Variants in HGD observed in about 807,000 individuals in gnomAD.
The protein encoded by HGD is homogentisate 1,2-dioxygenase, also known as homogentisate oxidase.
Under a neutral mutation model 60.8 loss-of-function variants are expected in HGD, and 61 were observed. That is an observed-to-expected ratio of 1.00 (90% CI 0.82 to 1.24). HGD has a LOEUF of 1.24. HGD is among the 50% of genes most tolerant of loss of function. The probability of loss-of-function intolerance (pLI) is 0.00; values close to 1 mark genes in which losing one functional copy is unlikely to be tolerated. For missense variants in HGD, 542 were observed against 547.1 expected (o/e 0.99, Z 0.09); for synonymous variants, 212 against 187.7 (o/e 1.13, Z -1.06).
chr3:120,637,264 T>C (rs1386759350), intron 12 of HGD, among the ~76,000 whole-genome samples: 2 of 150,828 alleles, frequency 1.3e-5, no homozygotes, highest in Non-Finnish European at 2.9e-5. Context: ...CTGTGAGTCC[T>C]TGAGAGAGTT....
At chr3:120,671,132 T>C (rs1237061003) in intron 3 of HGD, among the ~76,000 whole-genome samples, 2 of 152,206 alleles carry the variant, frequency 1.3e-5, no homozygotes, top group Admixed American at 1.3e-4. Flanking sequence ...GCATCAGAGC[T>C]TAGTGATTTT....
chr3:120,681,860 T>C (rs1235439325), intron 1 of HGD, among the ~76,000 whole-genome samples: 2 of 152,188 alleles, frequency 1.3e-5, no homozygotes, highest in African/African-American at 2.4e-5. Context: ...AAGACAATAA[T>C]TGAAATGAAC....
chr3:120,679,219 G>A lies in HGD; in HGVS notation c.15+2878C>T, dbSNP rs149450701. ...AGGATATGGTTTACTTGTCAGAGTA[G>A]TTTTATGAGGTGCTTTCTCCTGACT... On this transcript the variant is annotated intron_variant, in intron 1 of 13. Transcript: ENST00000283871. 4.3e-3 allele frequency among the ~76,000 whole-genome samples: 662 copies of A among 152,322 alleles called. 7 individuals are homozygous for A. Among genetic ancestry groups the A allele is most frequent in the African/African-American group, 0.015 (633 of 41,564 alleles).
chr3:120,665,463 T>C (rs2733787), intron 4 of HGD, among the ~76,000 whole-genome samples: 30,573 of 152,176 alleles, frequency 0.2, 4,118 homozygotes, highest in East Asian at 0.66. Context: ...CATGGTTAAA[T>C]TGGATGTAGA....
intron 11 of HGD, among the ~76,000 whole-genome samples, chr3:120,639,809 C>T (rs565269129): frequency 3.3e-5 from 5 of 152,222 alleles, no homozygotes; most frequent in East Asian, 3.9e-4. Context: ...CATTTACATC[C>T]GTAGTCTTCA....
intron 1 of HGD, among the ~76,000 whole-genome samples, chr3:120,678,968 T>C (rs1708183721): frequency 1.3e-5 from 2 of 152,220 alleles, no homozygotes; most frequent in Admixed American, 1.3e-4. Context: ...TGTACAAAAA[T>C]AAGATTAAAA....
chr3:120,650,903 A>G (rs1300969608), intron 5 of HGD, 38 bp from the exon 6 acceptor site: 2 of 1,501,330 alleles, frequency 1.3e-6, no homozygotes, highest in Non-Finnish European at 1.9e-6. Flanking sequence ...GGTTAATGTG[A>G]ACGGTGCCCA....
intron 1 of HGD, among the ~76,000 whole-genome samples, chr3:120,676,983 T>C (rs1399229417): frequency 2.6e-5 from 4 of 152,238 alleles, no homozygotes; most frequent in Admixed American, 2.6e-4. Flanking sequence ...TAATTTCTTA[T>C]GCCTGTCTTT....
In HGD at chr3:120,678,699, A is replaced by G. The variant is rs143610818; in HGVS notation, c.16-2836T>C. Among the ~76,000 whole-genome samples, 329 of 152,372 alleles carry G rather than the reference A, an allele frequency of 2.2e-3. 1 individual carries two copies. Among genetic ancestry groups the G allele is most frequent in the African/African-American group, 7.4e-3 (308 of 41,588 alleles). ...ATCTTAGCTGCAGGGCATTGGCTAA[A>G]GAGGAAGGTGAAAACTGCTGAGTCA... On this transcript the variant is annotated intron_variant, in intron 1 of 13. Transcript: ENST00000283871.
intron 10 of HGD, 113 bp downstream of exon 10, chr3:120,644,203 AGTG>A: frequency 8.4e-7 from 1 of 1,197,536 alleles, no homozygotes; most frequent in South Asian, 1.2e-5. Flanking sequence ...GTAGTGCCGT[AGTG>A]GTATGATAAC....
Position 120,628,311 on chromosome 3 carries a change from C to G in HGD, c.*69G>C. Reference sequence around the variant, plus strand: ...TAACCAACCCCCTCCTCCAATACTACCAGAAAGCATGAGATTCTGAAGAAA... The same window carrying G: ...TAACCAACCCCCTCCTCCAATACTAGCAGAAAGCATGAGATTCTGAAGAAA... On this transcript the variant is annotated 3_prime_UTR_variant, in exon 14 of 14. Coordinates refer to ENST00000283871, the MANE Select transcript of HGD (RefSeq NM_000187.4). 3 of 1,541,186 alleles carry G rather than the reference C, an allele frequency of 1.9e-6. No homozygotes were observed. Among genetic ancestry groups the G allele is most frequent in the African/African-American group, 1.4e-5 (1 of 73,424 alleles).
intron 1 of HGD, among the ~76,000 whole-genome samples, chr3:120,678,695 C>T (rs1007764441): frequency 5.3e-5 from 8 of 152,168 alleles, no homozygotes; most frequent in Admixed American, 2.0e-4. Context: ...AGGGCATTGG[C>T]TAAAGAGGAA....
At chr3:120,668,444 G>T (rs2298958) in intron 4 of HGD, among the ~76,000 whole-genome samples, 62,239 of 151,650 alleles carry the variant, frequency 0.41, 13,337 homozygotes, top group African/African-American at 0.53. Flanking sequence ...GAGGGAGATT[G>T]GCAGGTATAG....
Position 120,669,441 on chromosome 3 carries a change from G to T in HGD, c.282+986C>A, listed in dbSNP as rs933492660. Among the ~76,000 whole-genome samples the T allele has an allele frequency of 2.2e-5, 3 of 134,740 alleles. No homozygotes were observed. The South Asian group carries it at 7.1e-4, about 32-fold the overall frequency. 88.4% of individuals were successfully genotyped at this position (134,740 alleles called of 152,430 possible). A position where few individuals can be genotyped will look rare whatever the true frequency, so the allele number is the denominator to read the frequency against. ...GCTAGAAAAATACAAGCTTATGTGC[G>T]CATGTGCACACACACACACACACAC... is the stretch of plus-strand genomic sequence containing the variant. On this transcript the variant is annotated intron_variant, in intron 4 of 13. Transcript: ENST00000283871.
chr3:120,646,826 A>T, intron 8 of HGD, 147 bp downstream of exon 8: 1 of 745,464 alleles, frequency 1.3e-6, no homozygotes, highest in South Asian at 1.4e-5. Flanking sequence ...ACTCTTCAGC[A>T]CATGGAACCT....
intron 4 of HGD, among the ~76,000 whole-genome samples, chr3:120,669,237 C>A (rs1283018357): frequency 6.6e-6 from 1 of 151,438 alleles, no homozygotes; most frequent in Admixed American, 6.6e-5. Flanking sequence ...AATGTATTTT[C>A]TATATTTTGT....
chr3:120,659,936 GAGAGA>G (rs757165690), intron 4 of HGD, among the ~76,000 whole-genome samples: 138 of 122,938 alleles, frequency 1.1e-3, no homozygotes, highest in Middle Eastern at 5.4e-3. Context: ...GCAGGAGCAA[GAGAGA>G]GTGGGGGGTG....
At chr3:120,654,613 C>T (rs139496192) in intron 4 of HGD, among the ~76,000 whole-genome samples, 2 of 151,702 alleles carry the variant, frequency 1.3e-5, no homozygotes, top group Non-Finnish European at 2.9e-5. Context: ...TTAATTAGTA[C>T]AAGTCTAAGG....
At chr3:120,631,475 TA>T (rs1388956025) in intron 13 of HGD, among the ~76,000 whole-genome samples, 1 of 150,240 alleles carries the variant, frequency 6.7e-6, no homozygotes, top group African/African-American at 2.4e-5. Flanking sequence ...CCCATAAATA[TA>T]CATACTTATT....
Sources: allele counts gnomAD v4.1 joint callset (sites outside exome capture counted in the v4.1 genomes callset), GRCh38; gene constraint gnomAD v4.1.1; transcripts MANE v1.5; gene names NCBI Gene and HGNC (gene_info 2026-07-23, HGNC 2026-07-21).